ZNG1A: variants seen among roughly 807,000 people sequenced by gnomAD.
ZNG1A encodes the protein Zn regulated GTPase metalloprotein activator 1A, also known as zinc-regulated GTPase metalloprotein activator 1A.
chr9:133,120 TAG>T, the ZNG1A span, among the ~76,000 whole-genome samples: 1 of 121,250 alleles, frequency 8.2e-6, no homozygotes, highest in Admixed American at 8.6e-5. Flanking sequence ...GGTCTTCTGT[TAG>T]AGAGACCTCA....
the ZNG1A span, among the ~76,000 whole-genome samples, chr9:178,633 G>A: frequency 5.5e-5 from 6 of 108,538 alleles, 2 homozygotes; most frequent in East Asian, 1.4e-3. Flanking sequence ...AGAGGGGGCC[G>A]GGCATCATTA....
the ZNG1A span, among the ~76,000 whole-genome samples, chr9:174,016 G>A: frequency 5.3e-5 from 8 of 151,676 alleles, no homozygotes; most frequent in South Asian, 1.3e-3. Flanking sequence ...GTGTGGTAGC[G>A]GGTGCCTGTA....
At chr9:121,596 C>T in the ZNG1A span, 77 of 1,593,960 alleles carry the variant, frequency 4.8e-5, 1 homozygote, top group Admixed American at 3.3e-4. Flanking sequence ...CAAAATATGA[C>T]GTGATTACAT....
the ZNG1A span, among the ~76,000 whole-genome samples, chr9:136,101 A>C: frequency 5.2e-5 from 3 of 57,326 alleles, no homozygotes; most frequent in Admixed American, 4.4e-4. Context: ...CATACGCAGC[A>C]AAAAAAAAAA....
chr9:170,608 A>T, the ZNG1A span, among the ~76,000 whole-genome samples: 1 of 145,764 alleles, frequency 6.9e-6, no homozygotes, highest in African/African-American at 2.6e-5. Context: ...CTGGTCTTGA[A>T]CTCCTGGCCT....
chr9:140,012 A>C, the ZNG1A span, among the ~76,000 whole-genome samples: 1 of 150,414 alleles, frequency 6.6e-6, no homozygotes, highest in Admixed American at 6.6e-5. Context: ...GGAGGGTCCC[A>C]CGCCCACAGA....
chr9:147,105 G>T, the ZNG1A span: 10 of 148,050 alleles, frequency 6.8e-5, no homozygotes, highest in African/African-American at 2.5e-4. Context: ...TTGAACCCAG[G>T]AAGTGGAGGT....
the ZNG1A span, among the ~76,000 whole-genome samples, chr9:141,961 G>A: frequency 6.7e-6 from 1 of 149,872 alleles, no homozygotes; most frequent in Non-Finnish European, 1.5e-5. Context: ...TTACATAATG[G>A]TAAAGGGATC....
At chr9:144,422 C>A in the ZNG1A span, among the ~76,000 whole-genome samples, 14 of 150,840 alleles carry the variant, frequency 9.3e-5, no homozygotes, top group African/African-American at 2.7e-4. Context: ...CTTTGACAAA[C>A]CTGAGAAAAA....
At chr9:172,117 A>C in the ZNG1A span, 11 of 1,611,238 alleles carry the variant, frequency 6.8e-6, no homozygotes, top group East Asian at 4.5e-5. Flanking sequence ...AACAGTATGT[A>C]ATCAAATTTC....
chr9:159,570 TG>T, the ZNG1A span, among the ~76,000 whole-genome samples: 24 of 152,034 alleles, frequency 1.6e-4, no homozygotes, highest in Middle Eastern at 3.4e-3. Context: ...TCAATAAAGC[TG>T]GGGGGGTTAG....
At chr9:164,775 G>A in the ZNG1A span, among the ~76,000 whole-genome samples, 1 of 151,004 alleles carries the variant, frequency 6.6e-6, no homozygotes, top group Non-Finnish European at 1.5e-5. Context: ...TTAGTGACAG[G>A]GCTGTCTAAA....
the ZNG1A span, chr9:146,783 A>G: frequency 8.5e-5 from 9 of 106,502 alleles, no homozygotes; most frequent in East Asian, 2.1e-3. Context: ...GTGAGAATAA[A>G]TAACATATCA....
At chr9:162,814 T>G in the ZNG1A span, among the ~76,000 whole-genome samples, 1 of 150,728 alleles carries the variant, frequency 6.6e-6, no homozygotes, top group African/African-American at 2.4e-5. Context: ...TCAAATGTGA[T>G]AAGTACATAA....
the ZNG1A span, among the ~76,000 whole-genome samples, chr9:169,674 G>A: frequency 2.0e-5 from 3 of 149,348 alleles, no homozygotes; most frequent in Admixed American, 2.0e-4. Context: ...CTACTACCCT[G>A]ATTGGTCAGC....
chr9:122,242 T>TG, the ZNG1A span: 1 of 1,426,568 alleles, frequency 7.0e-7, no homozygotes, highest in African/African-American at 1.4e-5. Flanking sequence ...CAATTATTTG[T>TG]GAATTACAAG....
At chr9:145,404 T>C in the ZNG1A span, among the ~76,000 whole-genome samples, 12 of 151,230 alleles carry the variant, frequency 7.9e-5, no homozygotes, top group Admixed American at 7.9e-4. Flanking sequence ...TGTAGGGACA[T>C]GGATGAAATT....
At chr9:175,772 G>C in the ZNG1A span, 2 of 1,144,818 alleles carry the variant, frequency 1.7e-6, no homozygotes, top group Non-Finnish European at 1.2e-6. Context: ...CAGAAGTGTT[G>C]TCTTCCCAGC....
At chr9:138,335 C>T in the ZNG1A span, among the ~76,000 whole-genome samples, 1 of 146,762 alleles carries the variant, frequency 6.8e-6, no homozygotes, top group Non-Finnish European at 1.5e-5. Flanking sequence ...AATAACTGCC[C>T]TGCCTGTCCC....
Sources: allele counts gnomAD v4.1 joint callset (sites outside exome capture counted in the v4.1 genomes callset), GRCh38; gene constraint gnomAD v4.1.1; transcripts MANE v1.5; gene names NCBI Gene and HGNC (gene_info 2026-07-23, HGNC 2026-07-21).